The following ADGRB3 variants were observed in gnomAD, a reference collection of about 807,000 sequenced individuals.
ADGRB3 encodes adhesion G protein-coupled receptor B3.
ADGRB3 carries 37 observed loss-of-function variants against 193.4 expected under a neutral mutation model. That is an observed-to-expected ratio of 0.19 (90% CI 0.15 to 0.25). The LOEUF is 0.25. Ranked by LOEUF, ADGRB3 falls within the 10% of genes least tolerant of loss-of-function variation. The probability of loss-of-function intolerance (pLI) is 1.00; values close to 1 mark genes in which losing one functional copy is unlikely to be tolerated. For missense variants in ADGRB3, 1,637 were observed against 1,852.9 expected, an observed-to-expected ratio of 0.88 and a Z score of 2.14; for synonymous variants, 690 against 644.2, an observed-to-expected ratio of 1.07 and a Z score of -1.08.
At chr6:68,968,329 CT>C (rs978858633) in intron 8 of ADGRB3, among the ~76,000 whole-genome samples, 8 of 152,106 alleles carry the variant, frequency 5.3e-5, no homozygotes, top group African/African-American at 1.9e-4. Context: ...AACGAAGTAC[CT>C]TTTGCCAGAA....
intron 11 of ADGRB3, among the ~76,000 whole-genome samples, chr6:69,006,463 G>C (rs1216630048): frequency 6.6e-6 from 1 of 151,626 alleles, no homozygotes; most frequent in East Asian, 1.9e-4. Flanking sequence ...TTAAAAGAAT[G>C]GTCTGTCTCC....
At chr6:68,962,417 C>T (rs1768261891) in intron 8 of ADGRB3, among the ~76,000 whole-genome samples, 1 of 152,126 alleles carries the variant, frequency 6.6e-6, no homozygotes, top group Non-Finnish European at 1.5e-5. Context: ...ATTATTCAAA[C>T]CTGTTGCTAT....
intron 17 of ADGRB3, among the ~76,000 whole-genome samples, chr6:69,080,104 C>A (rs1165716415): frequency 2.6e-5 from 4 of 151,990 alleles, no homozygotes; most frequent in African/African-American, 4.8e-5. Flanking sequence ...ACCAGAATAT[C>A]TTTCTCTCCC....
intron 3 of ADGRB3, among the ~76,000 whole-genome samples, chr6:68,690,200 A>C (rs530488438): frequency 7.4e-4 from 113 of 152,302 alleles, no homozygotes; most frequent in African/African-American, 2.1e-3. Context: ...TAATGCAGAT[A>C]CAAAGCTTAG....
chr6:69,327,891 T>A lies in ADGRB3; in HGVS notation c.3035+2T>A. On this transcript the variant is annotated splice_donor_variant, in intron 22 of 31. Transcript: ENST00000370598. LOFTEE classifies it high-confidence loss of function. The stretch of plus-strand genomic sequence containing the variant: ...AAAAGGATATGGCACTGATCACTAG[T>A]AAGTCCATCCACAGAGATAAATCAT... 6.2e-7 allele frequency: 1 copy of A among 1,600,178 alleles called. No homozygotes were observed. The highest frequency in any genetic ancestry group is 8.6e-7 in the Non-Finnish European group (1 of 1,169,174).
intron 3 of ADGRB3, among the ~76,000 whole-genome samples, chr6:68,893,067 G>T (rs780632419): frequency 1.3e-5 from 2 of 151,734 alleles, no homozygotes; most frequent in African/African-American, 2.4e-5. Flanking sequence ...TTTTGCTCAG[G>T]GTATTTTCTG....
chr6:69,339,209 G>C, intron 25 of ADGRB3, 124 bp from the exon 26 acceptor site: 1 of 1,259,486 alleles, frequency 7.9e-7, no homozygotes, highest in Non-Finnish European at 1.1e-6. Context: ...AATGTCATCT[G>C]CTTTGTGGTT....
chr6:68,639,649 G>A (rs779760213), intron 3 of ADGRB3, among the ~76,000 whole-genome samples: 2 of 152,136 alleles, frequency 1.3e-5, no homozygotes, highest in Non-Finnish European at 2.9e-5. Flanking sequence ...AGCAGCATGC[G>A]CTGGAAGTGA....
At chr6:68,703,999 G>A (rs1005548667) in intron 3 of ADGRB3, among the ~76,000 whole-genome samples, 2 of 152,024 alleles carry the variant, frequency 1.3e-5, no homozygotes, top group Non-Finnish European at 2.9e-5. Context: ...ATTTAAAGGG[G>A]GCTTTAGCAT....
intron 3 of ADGRB3, among the ~76,000 whole-genome samples, chr6:68,826,105 G>A (rs562939056): frequency 1.2e-3 from 185 of 152,004 alleles, no homozygotes; most frequent in African/African-American, 4.3e-3. Context: ...CTAAGTGCTA[G>A]GAACACAAAA....
intron 3 of ADGRB3, among the ~76,000 whole-genome samples, chr6:68,689,974 C>T (rs1561995430): frequency 6.6e-6 from 1 of 152,156 alleles, no homozygotes. Flanking sequence ...GCATCAATAA[C>T]TTCCTGGAAA....
chr6:68,811,611 G>A (rs1767513923), intron 3 of ADGRB3, among the ~76,000 whole-genome samples: 1 of 152,004 alleles, frequency 6.6e-6, no homozygotes, highest in African/African-American at 2.4e-5. Flanking sequence ...TGGAATTACA[G>A]GCATACACCA....
chr6:68,865,355 T>A (rs1765268565), intron 3 of ADGRB3, among the ~76,000 whole-genome samples: 1 of 152,160 alleles, frequency 6.6e-6, no homozygotes, highest in African/African-American at 2.4e-5. Context: ...TATCCAAGGC[T>A]GAGGGATCTG....
At chr6:68,685,995 G>T (rs1764976765) in intron 3 of ADGRB3, among the ~76,000 whole-genome samples, 1 of 152,052 alleles carries the variant, frequency 6.6e-6, no homozygotes, top group African/African-American at 2.4e-5. Flanking sequence ...AGTGTTCTCG[G>T]GACTTAACCA....
chr6:69,307,049 G>A (rs1054388032), intron 20 of ADGRB3, among the ~76,000 whole-genome samples: 2 of 151,158 alleles, frequency 1.3e-5, no homozygotes, highest in Non-Finnish European at 3.0e-5. Context: ...ATACGTTATA[G>A]TAGCTTCATT....
chr6:69,118,603 T>C (rs539485126), intron 17 of ADGRB3, among the ~76,000 whole-genome samples: 2 of 151,932 alleles, frequency 1.3e-5, no homozygotes, highest in East Asian at 1.9e-4. Context: ...CTGGGACATA[T>C]CACATTTTAT....
At chr6:69,179,534 C>G (rs779491) in intron 17 of ADGRB3, among the ~76,000 whole-genome samples, 58,397 of 152,034 alleles carry the variant, frequency 0.38, 12,255 homozygotes, top group African/African-American at 0.55. Context: ...TGATCCTTTG[C>G]TGGCATCACT....
At chr6:68,791,147 T>A (rs1260946309) in intron 3 of ADGRB3, among the ~76,000 whole-genome samples, 1 of 152,160 alleles carries the variant, frequency 6.6e-6, no homozygotes, top group Non-Finnish European at 1.5e-5. Context: ...CTTCTGAGTT[T>A]CCTTAGCAAT....
chr6:69,355,642 G>A (rs1376782893), intron 27 of ADGRB3, among the ~76,000 whole-genome samples, 179 bp from the exon 28 acceptor site: 3 of 151,862 alleles, frequency 2.0e-5, no homozygotes, highest in African/African-American at 7.3e-5. Context: ...TTAACATTTG[G>A]GCTCTAGAAA....
Sources: gnomAD v4.1 joint callset for allele counts (sites outside exome capture counted in the v4.1 genomes callset) on GRCh38, gnomAD v4.1.1 for gene constraint, MANE v1.5 for transcripts, NCBI Gene and HGNC (gene_info 2026-07-23, HGNC 2026-07-21) for gene names.